The following DSCAM variants were observed in gnomAD, a reference collection of about 807,000 sequenced individuals.
DSCAM encodes the protein DS cell adhesion molecule.
DSCAM carries 47 observed loss-of-function variants against 217.7 expected under a neutral mutation model. That is an observed-to-expected ratio of 0.22 (90% CI 0.17 to 0.28). The LOEUF (loss-of-function observed/expected upper bound fraction) is 0.28, where lower values mean the gene tolerates loss of function less well. Among genes scored for constraint, DSCAM ranks in the 10% least tolerant of loss-of-function variants. The probability of loss-of-function intolerance (pLI) is 1.00; values close to 1 mark genes in which losing one functional copy is unlikely to be tolerated. For synonymous variants in DSCAM, 1,056 were observed against 1,015.3 expected (o/e 1.04, Z -0.76); for missense variants, 2,080 against 2,618.3 (o/e 0.79, Z 4.49).
chr21:40,287,726 C>A (rs1359874838), intron 10 of DSCAM, among the ~76,000 whole-genome samples: 2 of 152,130 alleles, frequency 1.3e-5, no homozygotes, highest in Non-Finnish European at 2.9e-5. Flanking sequence ...TGACACTGAG[C>A]AGAAGAGGGT....
At chr21:40,360,528 A>G (rs1034051930) in intron 4 of DSCAM, among the ~76,000 whole-genome samples, 1 of 152,026 alleles carries the variant, frequency 6.6e-6, no homozygotes, top group African/African-American at 2.4e-5. Context: ...TGTGTGGTCA[A>G]TATTTAGCTC....
chr21:40,198,923 T>A (rs2146851688), intron 11 of DSCAM, among the ~76,000 whole-genome samples: 1 of 152,352 alleles, frequency 6.6e-6, no homozygotes, highest in African/African-American at 2.4e-5. Context: ...CTTGTACCGA[T>A]GATGCTGTCC....
intron 1 of DSCAM, among the ~76,000 whole-genome samples, chr21:40,842,149 C>T (rs1193194104): frequency 6.6e-6 from 1 of 152,182 alleles, no homozygotes. Flanking sequence ...TGTCCTATGG[C>T]GGGGACACAA....
At chr21:40,298,642 C>A (rs994388679) in intron 9 of DSCAM, among the ~76,000 whole-genome samples, 1 of 152,154 alleles carries the variant, frequency 6.6e-6, no homozygotes, top group Non-Finnish European at 1.5e-5. Context: ...AGTGACCAAT[C>A]AACTCAAGAG....
chr21:40,357,785 A>G (rs1186809273), intron 4 of DSCAM, among the ~76,000 whole-genome samples: 1 of 152,118 alleles, frequency 6.6e-6, no homozygotes, highest in Non-Finnish European at 1.5e-5. Flanking sequence ...TGGGTGCAGC[A>G]CAACAACATG....
chr21:40,044,961 G>T (rs1266130551), intron 30 of DSCAM, among the ~76,000 whole-genome samples: 1 of 152,160 alleles, frequency 6.6e-6, no homozygotes, highest in Non-Finnish European at 1.5e-5. Context: ...TGGAAATAAG[G>T]TCATCACAGA....
At chr21:40,524,744 C>T (rs1000320426) in intron 3 of DSCAM, among the ~76,000 whole-genome samples, 1 of 152,068 alleles carries the variant, frequency 6.6e-6, no homozygotes, top group African/African-American at 2.4e-5. Context: ...GGTGTGGTGG[C>T]TCATAGCTGT....
chr21:40,217,320 C>T (rs556355307), intron 11 of DSCAM, among the ~76,000 whole-genome samples: 61 of 152,256 alleles, frequency 4.0e-4, no homozygotes, highest in African/African-American at 1.5e-3. Context: ...TTTTAACAAG[C>T]ACATTTTCTT....
At chr21:40,014,489 C>T (rs1194511555) in intron 32 of DSCAM, among the ~76,000 whole-genome samples, 1 of 152,212 alleles carries the variant, frequency 6.6e-6, no homozygotes, top group Non-Finnish European at 1.5e-5. Flanking sequence ...CTCTGGGATG[C>T]TGCAAGCCAA....
At chr21:40,333,104 T>C (rs1856178304) in intron 8 of DSCAM, among the ~76,000 whole-genome samples, 2 of 152,202 alleles carry the variant, frequency 1.3e-5, no homozygotes, top group Non-Finnish European at 1.5e-5. Context: ...AAATATTCAC[T>C]GTGTGGTCTC....
chr21:40,555,735 T>A (rs1294023169), intron 3 of DSCAM, among the ~76,000 whole-genome samples: 1 of 152,174 alleles, frequency 6.6e-6, no homozygotes, highest in Non-Finnish European at 1.5e-5. Context: ...TGCTCCCAAG[T>A]GATCAACTTG....
Position 40,080,262 on chromosome 21 carries a change from C to A in DSCAM, c.4310G>T (p.Arg1437Leu), listed in dbSNP as rs534405933. Residue 1437 changes from arginine to leucine, a missense_variant, in exon 25 of 33, where the codon CGC (arginine) becomes CTC (leucine). Arg to Leu is a moderately radical substitution (Grantham distance 102). Coordinates refer to ENST00000400454, the MANE Select transcript of DSCAM (RefSeq NM_001389.5). ...AGTCCCACATTTGAGATTTTCCAAG[C>A]GATAGGAACGTTCGCTGGGGCTGAT... ...FPISPSERSY[R>L]LENLKCGTWY... The A allele has an allele frequency of 7.4e-6, 12 of 1,613,568 alleles. No homozygotes were observed. The highest frequency in any genetic ancestry group is 1.0e-5 in the Non-Finnish European group (12 of 1,179,924).
At chr21:40,031,800 T>C (rs2088530069) in intron 32 of DSCAM, among the ~76,000 whole-genome samples, 1 of 152,134 alleles carries the variant, frequency 6.6e-6, no homozygotes, top group Admixed American at 6.5e-5. Context: ...GCATCCTGTA[T>C]CCCAAACCAG....
At chr21:40,771,467 T>C (rs2091444420) in intron 1 of DSCAM, among the ~76,000 whole-genome samples, 1 of 152,192 alleles carries the variant, frequency 6.6e-6, no homozygotes, top group South Asian at 2.1e-4. Context: ...TTCTTGTGCA[T>C]GCTATTCCTT....
intron 3 of DSCAM, among the ~76,000 whole-genome samples, chr21:40,520,797 ACTCT>A (rs1053093037): frequency 6.6e-6 from 1 of 151,844 alleles, no homozygotes; most frequent in Non-Finnish European, 1.5e-5. Context: ...ACAGAACAAG[ACTCT>A]CTCTCTCTAA....
At chr21:40,318,104 A>G (rs2123510168) in intron 8 of DSCAM, among the ~76,000 whole-genome samples, 1 of 146,804 alleles carries the variant, frequency 6.8e-6, no homozygotes, top group Non-Finnish European at 1.5e-5. Context: ...CAAACACCGC[A>G]TGTTCTCACT....
At chr21:40,283,160 CA>C (rs1421830405) in intron 10 of DSCAM, among the ~76,000 whole-genome samples, 1 of 152,168 alleles carries the variant, frequency 6.6e-6, no homozygotes, top group Non-Finnish European at 1.5e-5. Flanking sequence ...AATTATTTAT[CA>C]GTCATCTACT....
chr21:40,413,120 C>G (rs1007550423), intron 3 of DSCAM, among the ~76,000 whole-genome samples: 1 of 152,216 alleles, frequency 6.6e-6, no homozygotes, highest in African/African-American at 2.4e-5. Flanking sequence ...CCTGGATGCC[C>G]AGGCAGAAGT....
chr21:40,333,022 T>C (rs891979414), intron 8 of DSCAM, among the ~76,000 whole-genome samples: 7 of 152,190 alleles, frequency 4.6e-5, no homozygotes, highest in African/African-American at 1.7e-4. Flanking sequence ...CGGGATCAAG[T>C]GGGCCACTTC....
Sources: gnomAD v4.1 joint callset for allele counts (sites outside exome capture counted in the v4.1 genomes callset) on GRCh38, gnomAD v4.1.1 for gene constraint, MANE v1.5 for transcripts, NCBI Gene and HGNC (gene_info 2026-07-23, HGNC 2026-07-21) for gene names.